UBE2QL1: variants seen among roughly 807,000 people sequenced by gnomAD.
UBE2QL1 encodes the protein ubiquitin conjugating enzyme E2 QL1.
Under a neutral mutation model 12.6 loss-of-function variants are expected in UBE2QL1, and 5 were observed. That is an observed-to-expected ratio of 0.40 (90% CI 0.21 to 0.83). The LOEUF (loss-of-function observed/expected upper bound fraction) is 0.83. UBE2QL1 is among the 40% of genes least tolerant of loss of function. The pLI is 0.37. For synonymous variants in UBE2QL1, 96 were observed against 94.5 expected, an observed-to-expected ratio of 1.02 and a Z score of -0.10; for missense variants, 99 against 222.6, an observed-to-expected ratio of 0.44 and a Z score of 3.53.
chr5:6,450,044 G>A (rs1242491969), intron 1 of UBE2QL1, among the ~76,000 whole-genome samples: 3 of 151,882 alleles, frequency 2.0e-5, no homozygotes, highest in Non-Finnish European at 4.4e-5. Flanking sequence ...CTCTAGAGAG[G>A]CGGCGGTGTG....
chr5:6,496,719 C>G lies in UBE2QL1; in HGVS notation c.*5370C>G, dbSNP rs566768225. On this transcript the variant is annotated 3_prime_UTR_variant, in exon 2 of 2. Coordinates refer to ENST00000399816, the MANE Select transcript of UBE2QL1 (RefSeq NM_001145161.3). ...TTTAAAACCAATAAACGTCTTTACA[C>G]GGAATGCTTGCTGTGTCCTCGCATG... Among the ~76,000 whole-genome samples the G allele has an allele frequency of 2.6e-5, 4 of 152,244 alleles. No homozygotes were observed. The highest frequency in any genetic ancestry group is 9.6e-5 in the African/African-American group (4 of 41,546).
intron 1 of UBE2QL1, among the ~76,000 whole-genome samples, chr5:6,475,917 T>A (rs949472033): frequency 6.6e-6 from 1 of 152,200 alleles, no homozygotes; most frequent in Non-Finnish European, 1.5e-5. Flanking sequence ...GCACAGGCTC[T>A]CCAGGGCCTG....
intron 1 of UBE2QL1, among the ~76,000 whole-genome samples, chr5:6,461,491 T>C (rs1194725403): frequency 6.7e-6 from 1 of 149,154 alleles, no homozygotes; most frequent in African/African-American, 2.5e-5. Flanking sequence ...TCATCTGAGA[T>C]GATTATAGGC....
chr5:6,471,676 C>T (rs910840191), intron 1 of UBE2QL1, among the ~76,000 whole-genome samples: 9 of 152,306 alleles, frequency 5.9e-5, no homozygotes, highest in South Asian at 4.1e-4. Context: ...TCAGGTCCCT[C>T]GCACTCAGGG....
chr5:6,456,064 C>G (rs1739516441), intron 1 of UBE2QL1, among the ~76,000 whole-genome samples: 1 of 152,160 alleles, frequency 6.6e-6, no homozygotes, highest in African/African-American at 2.4e-5. Flanking sequence ...CAAATTAATA[C>G]AGCACGGGAA....
intron 1 of UBE2QL1, among the ~76,000 whole-genome samples, chr5:6,461,512 C>G (rs1560929331): frequency 6.7e-6 from 1 of 148,706 alleles, no homozygotes; most frequent in Non-Finnish European, 1.5e-5. Context: ...AGAAAGCATC[C>G]TCCTATCCCC....
intron 1 of UBE2QL1, among the ~76,000 whole-genome samples, chr5:6,460,201 G>A (rs1485256198): frequency 6.6e-6 from 1 of 152,148 alleles, no homozygotes; most frequent in African/African-American, 2.4e-5. Flanking sequence ...CCACCTCCCT[G>A]AGCATCAGAT....
rs927302681 is a variant in UBE2QL1 at position 6,491,535 on chromosome 5, C to T, written c.*186C>T. 46 of 672,264 alleles carry T rather than the reference C, an allele frequency of 6.8e-5. No individual in the cohort carries two copies. Among genetic ancestry groups the T allele is most frequent in the Non-Finnish European group, 8.8e-5 (40 of 452,694 alleles). The allele number at this position is 672,264 out of a possible 1,614,324, so 41.6% of individuals were successfully genotyped here. ...ACAGAGAGGAAGAGGGAGCAAATGC[C>T]GTTCGGATTATGTTTCGATTATAAA... is the stretch of plus-strand genomic sequence containing the variant. On this transcript the variant is annotated 3_prime_UTR_variant, in exon 2 of 2. Transcript: ENST00000399816.
At chr5:6,467,319 T>C (rs1177479516) in intron 1 of UBE2QL1, among the ~76,000 whole-genome samples, 2 of 152,066 alleles carry the variant, frequency 1.3e-5, no homozygotes, top group African/African-American at 4.8e-5. Context: ...ACGACAGAAA[T>C]GCATTCTCTC....
intron 1 of UBE2QL1, among the ~76,000 whole-genome samples, chr5:6,453,063 A>G (rs1739441669): frequency 6.6e-6 from 1 of 152,188 alleles, no homozygotes; most frequent in African/African-American, 2.4e-5. Flanking sequence ...CAGTGTTGGT[A>G]ATAATAACTG....
At chr5:6,450,086 A>ACCCCC (rs768975053) in intron 1 of UBE2QL1, among the ~76,000 whole-genome samples, 1 of 104,344 alleles carries the variant, frequency 9.6e-6, no homozygotes, top group African/African-American at 3.5e-5. Context: ...ACAAGACCAG[A>ACCCCC]CCCCCCCCCC....
At position 6,492,715 on chromosome 5, in the gene UBE2QL1, T is replaced by A. The variant is rs1200434088; in HGVS notation, c.*1366T>A. 6.6e-6 allele frequency: 1 copy of A among 152,230 alleles called. No individual in the cohort carries two copies. The highest frequency in any genetic ancestry group is 6.5e-5 in the Admixed American group (1 of 15,288). 9.4% of individuals were successfully genotyped at this position (152,230 alleles called of 1,614,324 possible). On this transcript the variant is annotated 3_prime_UTR_variant, in exon 2 of 2. Coordinates refer to ENST00000399816, the MANE Select transcript of UBE2QL1 (RefSeq NM_001145161.3). ...TGTAATTCCAGAGCAGCGTTCTAAGTCAGGTACCAGAAATGAGTCTTAGGA... is the reference window on the plus strand; with the variant it reads ...TGTAATTCCAGAGCAGCGTTCTAAGACAGGTACCAGAAATGAGTCTTAGGA...
At chr5:6,482,723 T>C (rs1294502453) in intron 1 of UBE2QL1, among the ~76,000 whole-genome samples, 1 of 152,214 alleles carries the variant, frequency 6.6e-6, no homozygotes, top group Non-Finnish European at 1.5e-5. Context: ...AGGAGGCTGC[T>C]GAACAGCCTC....
intron 1 of UBE2QL1, among the ~76,000 whole-genome samples, chr5:6,462,258 G>A (rs1195469224): frequency 1.3e-5 from 2 of 152,190 alleles, no homozygotes; most frequent in Non-Finnish European, 2.9e-5. Context: ...GAGAGTCAGG[G>A]ACCTGGTATC....
intron 1 of UBE2QL1, among the ~76,000 whole-genome samples, chr5:6,485,319 A>C (rs1285270629): frequency 6.6e-6 from 1 of 152,182 alleles, no homozygotes; most frequent in Non-Finnish European, 1.5e-5. Context: ...GTTTCTTAGA[A>C]GAGTCTGATC....
intron 1 of UBE2QL1, among the ~76,000 whole-genome samples, chr5:6,459,852 C>T (rs1739612811): frequency 6.6e-6 from 1 of 152,070 alleles, no homozygotes; most frequent in African/African-American, 2.4e-5. Context: ...TCTTTCAATC[C>T]TAATTATAGG....
intron 1 of UBE2QL1, among the ~76,000 whole-genome samples, chr5:6,450,292 G>A (rs1469524524): frequency 2.0e-5 from 3 of 152,156 alleles, no homozygotes; most frequent in Non-Finnish European, 4.4e-5. Flanking sequence ...ACGAAACGAA[G>A]GGCCAAACAG....
In UBE2QL1 at chr5:6,481,359, A is replaced by C. The variant is rs995961220; in HGVS notation, c.355-9859A>C. 6.6e-6 allele frequency among the ~76,000 whole-genome samples: 1 copy of C among 152,126 alleles called. No individual in the cohort carries two copies. Among genetic ancestry groups the C allele is most frequent in the African/African-American group, 2.4e-5 (1 of 41,430 alleles). Reference sequence around the variant, plus strand: ...ATCTCGCCTTGCACGCCAGGTGCTCATTATCCCCATGCAGGAGGTGAGGGC... The same window carrying C: ...ATCTCGCCTTGCACGCCAGGTGCTCCTTATCCCCATGCAGGAGGTGAGGGC... On this transcript the variant is annotated intron_variant, in intron 1 of 1. Coordinates refer to ENST00000399816, the MANE Select transcript of UBE2QL1 (RefSeq NM_001145161.3). The surrounding 1 kb of genome is among the most constrained non-coding windows in gnomAD (Gnocchi z 4.5).
chr5:6,482,505 G>C (rs1734382585), intron 1 of UBE2QL1, among the ~76,000 whole-genome samples: 1 of 151,588 alleles, frequency 6.6e-6, no homozygotes, highest in South Asian at 2.1e-4. Context: ...TTCAGCTCCT[G>C]AACCACCTTC....
Sources: gnomAD v4.1 joint callset for allele counts (sites outside exome capture counted in the v4.1 genomes callset) on GRCh38, gnomAD v4.1.1 for gene constraint, Gnocchi (gnomAD v3.1) non-coding constraint, MANE v1.5 for transcripts, NCBI Gene and HGNC (gene_info 2026-07-23, HGNC 2026-07-21) for gene names.